Variants in TMEM217 observed in about 807,000 individuals in gnomAD.
The protein encoded by TMEM217 is transmembrane protein 217.
For missense variants in TMEM217, 204 were observed against 248.8 expected (o/e 0.82, Z 1.21); for synonymous variants, 76 against 88.3 (o/e 0.86, Z 0.78).
intron 1 of TMEM217, among the ~76,000 whole-genome samples, chr6:37,252,633 ATATATTTTT>A (rs1193948966): frequency 0.015 from 1,106 of 75,138 alleles, 4 homozygotes; most frequent in Middle Eastern, 0.077. Context: ...ATATATATAT[ATATATTTTT>A]TTTTTTTTTT....
chr6:37,219,097 A>T lies in TMEM217; in HGVS notation c.-11-56T>A, dbSNP rs41272214. 6,972 of 1,489,360 alleles carry T rather than the reference A, an allele frequency of 4.7e-3. 23 individuals carry two copies. The highest frequency in any genetic ancestry group is 5.7e-3 in the Non-Finnish European group (6,212 of 1,095,442). The allele number at this position is 1,489,360 out of a possible 1,614,324, so 92.3% of individuals were successfully genotyped here. On this transcript the variant is annotated intron_variant, in intron 1 of 1. Transcript: ENST00000357219. ...CTAGTTCCTGCCAACATGGTAAATT[A>T]CCAGGGTTTCTGCCTCCTTCCCCAA... is the stretch of plus-strand genomic sequence containing the variant.
At chr6:37,249,235 T>C (rs1562025150) in intron 1 of TMEM217, among the ~76,000 whole-genome samples, 1 of 152,242 alleles carries the variant, frequency 6.6e-6, no homozygotes, top group Non-Finnish European at 1.5e-5. Context: ...TATCCATTTG[T>C]AGATTTTGAA....
exon 2 of TMEM217, chr6:37,218,249 A>C: frequency 7.7e-7 from 1 of 1,297,660 alleles, no homozygotes; most frequent in South Asian, 1.7e-5. Flanking sequence ...GGCTCACTGC[A>C]ACCTCCACCT....
At chr6:37,212,716 C>T (rs890521480), downstream of TMEM217, 4 of 652,042 alleles carry the variant, frequency 6.1e-6, no homozygotes, top group African/African-American at 7.1e-5. Context: ...GATCAGCAGC[C>T]CCATGTAGAT....
chr6:37,226,354 G>A (rs1306097908), intron 1 of TMEM217, among the ~76,000 whole-genome samples: 2 of 127,524 alleles, frequency 1.6e-5, no homozygotes, highest in South Asian at 2.7e-4. Context: ...GTGCAGTGGC[G>A]CTATCTTGGC....
intron 1 of TMEM217, among the ~76,000 whole-genome samples, chr6:37,246,902 C>CAA (rs61372547): frequency 7.0e-6 from 1 of 142,004 alleles, no homozygotes; most frequent in Non-Finnish European, 1.5e-5. Context: ...GACTCTGTCT[C>CAA]AAAAAAAAAA....
chr6:37,251,931 T>C (rs1156890196), intron 1 of TMEM217, among the ~76,000 whole-genome samples: 1 of 152,240 alleles, frequency 6.6e-6, no homozygotes, highest in East Asian at 1.9e-4. Context: ...TTCACTCTTG[T>C]TGCCCAGGCT....
chr6:37,251,524 A>G (rs996962316), intron 1 of TMEM217, among the ~76,000 whole-genome samples: 2 of 152,272 alleles, frequency 1.3e-5, no homozygotes, highest in Admixed American at 6.5e-5. Flanking sequence ...CTAGAGCTCA[A>G]TGTATTAACA....
In TMEM217 at chr6:37,243,747, C is replaced by T. The variant is rs540239158; in HGVS notation, c.-12+13821G>A. ...CCAACTAGCTGGGATTACAGGCATGCACCACCACACCTGGCTAGGGTTTTT... is the reference window on the plus strand; with the variant it reads ...CCAACTAGCTGGGATTACAGGCATGTACCACCACACCTGGCTAGGGTTTTT... On this transcript the variant is annotated intron_variant, in intron 1 of 1. Transcript: ENST00000357219. Among the ~76,000 whole-genome samples the T allele has an allele frequency of 3.9e-5, 6 of 152,260 alleles. No individual in the cohort carries two copies. The South Asian group carries it at 1.2e-3, about 32-fold the overall frequency.
rs192565974 is a variant in TMEM217, at chr6:37,255,096, A to T, written c.-12+2472T>A. Among the ~76,000 whole-genome samples, 66 of 152,296 alleles carry T rather than the reference A, an allele frequency of 4.3e-4. No homozygotes were observed. In the East Asian group the frequency reaches 0.011, roughly 24 times the overall value. On this transcript the variant is annotated intron_variant, in intron 1 of 1. Coordinates refer to ENST00000357219, the Ensembl canonical transcript of TMEM217. ...CCTGCTGTGCGGCCTGGTTCCTAAC[A>T]GGCAACAGACAGGGGGCCTTTACTC...
At chr6:37,228,266 G>A (rs1763958630) in intron 1 of TMEM217, among the ~76,000 whole-genome samples, 1 of 152,200 alleles carries the variant, frequency 6.6e-6, no homozygotes, top group African/African-American at 2.4e-5. Flanking sequence ...TTACTAGGGA[G>A]TAGTAGAGAT....
At chr6:37,250,837 C>A (rs1377675353) in intron 1 of TMEM217, among the ~76,000 whole-genome samples, 2 of 152,236 alleles carry the variant, frequency 1.3e-5, no homozygotes, top group Admixed American at 6.5e-5. Flanking sequence ...AGGTCCCAAC[C>A]TTTAAGTTTA....
At chr6:37,222,416 C>G (rs1406532764) in intron 1 of TMEM217, among the ~76,000 whole-genome samples, 1 of 152,230 alleles carries the variant, frequency 6.6e-6, no homozygotes, top group Non-Finnish European at 1.5e-5. Context: ...CGGGAGCCTG[C>G]AGGGACGGCA....
chr6:37,255,025 G>T (rs1052411197), intron 1 of TMEM217, among the ~76,000 whole-genome samples: 15 of 152,174 alleles, frequency 9.9e-5, no homozygotes, highest in Non-Finnish European at 1.6e-4. Flanking sequence ...CTGACAGGAG[G>T]CGGAGCTCTG....
chr6:37,241,703 C>A (rs1203678148), intron 1 of TMEM217, among the ~76,000 whole-genome samples: 1 of 151,984 alleles, frequency 6.6e-6, no homozygotes, highest in East Asian at 1.9e-4. Context: ...AATATCCAGG[C>A]CAATTTAATT....
chr6:37,247,735 A>T (rs1765173759), intron 1 of TMEM217, among the ~76,000 whole-genome samples: 6 of 152,190 alleles, frequency 3.9e-5, no homozygotes, highest in Admixed American at 3.9e-4. Flanking sequence ...TCCTGTGAAA[A>T]AAACTCTGAG....
intron 1 of TMEM217, among the ~76,000 whole-genome samples, chr6:37,246,725 A>G (rs1229479398): frequency 6.6e-6 from 1 of 152,144 alleles, no homozygotes; most frequent in African/African-American, 2.4e-5. Context: ...CAACATAGTG[A>G]GACCCTATCT....
chr6:37,257,835 T>C (rs1488516694), exon 1 of TMEM217: 3 of 1,502,174 alleles, frequency 2.0e-6, no homozygotes, highest in African/African-American at 2.8e-5. Flanking sequence ...GCGGCCTGGG[T>C]TGGCCCTCAG....
At chr6:37,236,290 T>A (rs1050414038) in intron 1 of TMEM217, among the ~76,000 whole-genome samples, 2 of 152,174 alleles carry the variant, frequency 1.3e-5, no homozygotes, top group African/African-American at 4.8e-5. Flanking sequence ...GCCTGGCCAT[T>A]TATTTTTAAA....
Sources: allele counts gnomAD v4.1 joint callset (sites outside exome capture counted in the v4.1 genomes callset), GRCh38; gene constraint gnomAD v4.1.1; transcripts MANE v1.5; gene names NCBI Gene and HGNC (gene_info 2026-07-23, HGNC 2026-07-21).